The following ASTN2 variants were observed in gnomAD, a reference collection of about 807,000 sequenced individuals.
ASTN2 encodes astrotactin-2.
A neutral mutation model predicts 139.8 loss-of-function variants in ASTN2; 54 were observed. That is an observed-to-expected ratio of 0.39 (90% confidence interval 0.31 to 0.48). ASTN2 has a LOEUF of 0.48. Ranked by LOEUF, ASTN2 falls within the 20% of genes least tolerant of loss-of-function variation. The probability of loss-of-function intolerance (pLI) is 0.95; values close to 1 mark genes in which losing one functional copy is unlikely to be tolerated. For synonymous variants in ASTN2, 756 were observed against 719.5 expected (o/e 1.05, Z -0.81); for missense variants, 1,565 against 1,725.1 (o/e 0.91, Z 1.64).
At chr9:116,575,195 T>C (rs1853674556) in intron 19 of ASTN2, among the ~76,000 whole-genome samples, 1 of 152,158 alleles carries the variant, frequency 6.6e-6, no homozygotes, top group Admixed American at 6.5e-5. Flanking sequence ...ATCACTTTTA[T>C]TGGCTTACCT....
intron 17 of ASTN2, among the ~76,000 whole-genome samples, chr9:116,648,064 C>T (rs1001427165): frequency 3.3e-5 from 5 of 150,078 alleles, no homozygotes; most frequent in South Asian, 2.1e-4. Context: ...TGCAATGGTG[C>T]GATCTTGGCT....
intron 20 of ASTN2, among the ~76,000 whole-genome samples, chr9:116,479,065 C>T (rs1379685243): frequency 6.6e-6 from 1 of 150,748 alleles, no homozygotes; most frequent in Non-Finnish European, 1.5e-5. Context: ...TTTGAGATGG[C>T]CCCTTTCAAA....
intron 5 of ASTN2, among the ~76,000 whole-genome samples, chr9:117,083,653 C>G (rs909010100): frequency 4.6e-5 from 7 of 152,172 alleles, no homozygotes; most frequent in Admixed American, 1.3e-4. Flanking sequence ...GTCACAGTCT[C>G]TCATTCTAAG....
intron 12 of ASTN2, among the ~76,000 whole-genome samples, chr9:116,814,202 A>C (rs2132259957): frequency 6.6e-6 from 1 of 152,210 alleles, no homozygotes; most frequent in Non-Finnish European, 1.5e-5. Flanking sequence ...TAGTGCAGAA[A>C]CCTGTGAAAA....
rs373639477 is a variant in ASTN2 at position 116,590,305 on chromosome 9, C to G, written c.3355+28019G>C. Among the ~76,000 whole-genome samples, 28 of 152,374 alleles carry G rather than the reference C, an allele frequency of 1.8e-4. No homozygotes were observed. The East Asian group carries it at 4.6e-3, about 25-fold the overall frequency. On this transcript the variant is annotated intron_variant, in intron 19 of 22. Coordinates refer to ENST00000313400, the MANE Select transcript of ASTN2 (RefSeq NM_001365068.1). ...CCTGCTCCCACTGCCTGGCCTCTCC[C>G]CGCTTCAAGCAGCCCCTCCAATTTC...
chr9:116,688,001 C>A (rs1860359606), intron 16 of ASTN2, among the ~76,000 whole-genome samples: 1 of 151,882 alleles, frequency 6.6e-6, no homozygotes, highest in Non-Finnish European at 1.5e-5. Context: ...ACATGACATT[C>A]AGTGCATAAG....
At chr9:116,834,469 T>C (rs1831923622) in intron 11 of ASTN2, among the ~76,000 whole-genome samples, 1 of 152,196 alleles carries the variant, frequency 6.6e-6, no homozygotes, top group African/African-American at 2.4e-5. Context: ...CATTTTGCAG[T>C]TCTGTTGTTT....
intron 5 of ASTN2, among the ~76,000 whole-genome samples, chr9:117,046,890 A>T (rs1193250842): frequency 6.6e-6 from 1 of 152,182 alleles, no homozygotes; most frequent in East Asian, 1.9e-4. Flanking sequence ...AGATGTCAGT[A>T]TTGGAATGCT....
intron 4 of ASTN2, among the ~76,000 whole-genome samples, chr9:117,103,325 C>T (rs10121997): frequency 0.012 from 1,856 of 152,154 alleles, 43 homozygotes; most frequent in African/African-American, 0.042. Flanking sequence ...AGAATTCTTA[C>T]CTCAATTTTG....
intron 19 of ASTN2, among the ~76,000 whole-genome samples, chr9:116,538,252 AAAAGACAG>A (rs1851729020): frequency 6.6e-6 from 1 of 151,866 alleles, no homozygotes; most frequent in Admixed American, 6.6e-5. Context: ...GAAAGAATGA[AAAAGACAG>A]AAAGAAAGGA....
intron 5 of ASTN2, among the ~76,000 whole-genome samples, chr9:117,062,058 A>C (rs570577374): frequency 2.0e-5 from 3 of 152,294 alleles, no homozygotes; most frequent in Admixed American, 2.0e-4. Flanking sequence ...GATCTCACGC[A>C]AGGTTTGAAT....
intron 5 of ASTN2, among the ~76,000 whole-genome samples, chr9:117,092,772 C>T (rs1205104310): frequency 6.6e-6 from 1 of 152,168 alleles, no homozygotes; most frequent in Non-Finnish European, 1.5e-5. Context: ...CACCCCTGGG[C>T]AGACTGCAGG....
intron 10 of ASTN2, among the ~76,000 whole-genome samples, chr9:116,974,745 G>A (rs928349720): frequency 3.3e-5 from 5 of 152,050 alleles, no homozygotes; most frequent in African/African-American, 1.2e-4. Context: ...CTGACCTCAG[G>A]TGAACCACCT....
At chr9:117,227,992 GT>G (rs1832769573) in intron 2 of ASTN2, among the ~76,000 whole-genome samples, 1 of 152,180 alleles carries the variant, frequency 6.6e-6, no homozygotes, top group Admixed American at 6.5e-5. Context: ...TGTCAATAAT[GT>G]GGCTCAAAAA....
chr9:117,092,825 G>A (rs929985969), intron 5 of ASTN2, among the ~76,000 whole-genome samples: 1 of 152,206 alleles, frequency 6.6e-6, no homozygotes. Flanking sequence ...AGCTGAAATG[G>A]TGATGGCAGA....
At chr9:116,620,645 T>A (rs1856093437) in intron 17 of ASTN2, among the ~76,000 whole-genome samples, 1 of 152,112 alleles carries the variant, frequency 6.6e-6, no homozygotes, top group South Asian at 2.1e-4. Flanking sequence ...GGAGCCACAA[T>A]GATCACTGAG....
chr9:117,346,758 G>C (rs1036965034), intron 1 of ASTN2, among the ~76,000 whole-genome samples: 4 of 152,080 alleles, frequency 2.6e-5, no homozygotes, highest in Admixed American at 2.6e-4. Flanking sequence ...TGATACATAT[G>C]ATACATGGGT....
intron 3 of ASTN2, among the ~76,000 whole-genome samples, chr9:117,211,187 C>A (rs894683156): frequency 6.6e-6 from 1 of 152,064 alleles, no homozygotes; most frequent in African/African-American, 2.4e-5. Flanking sequence ...AGCAATTAGG[C>A]AACAGAAAGA....
At chr9:116,910,871 A>G (rs1834291122) in intron 10 of ASTN2, among the ~76,000 whole-genome samples, 1 of 152,192 alleles carries the variant, frequency 6.6e-6, no homozygotes, top group African/African-American at 2.4e-5. Flanking sequence ...AGTAAGAGTG[A>G]GCGGACTGGG....
Sources: allele counts gnomAD v4.1 joint callset (sites outside exome capture counted in the v4.1 genomes callset), GRCh38; gene constraint gnomAD v4.1.1; transcripts MANE v1.5; gene names NCBI Gene and HGNC (gene_info 2026-07-23, HGNC 2026-07-21).